The following SNTB2 variants were observed in gnomAD, a reference collection of about 807,000 sequenced individuals.
SNTB2 encodes the protein syntrophin beta 2.
A neutral mutation model predicts 46.2 loss-of-function variants in SNTB2; 34 were observed. That is an observed-to-expected ratio of 0.74 (90% CI 0.56 to 0.98). The LOEUF (loss-of-function observed/expected upper bound fraction) is 0.98, where lower values mean the gene tolerates loss of function less well. Among genes scored for constraint, SNTB2 ranks in the 50% least tolerant of loss-of-function variants. The pLI is 0.00. For synonymous variants in SNTB2, 290 were observed against 312.6 expected, an observed-to-expected ratio of 0.93 and a Z score of 0.76; for missense variants, 603 against 731.4, an observed-to-expected ratio of 0.82 and a Z score of 2.02.
intron 3 of SNTB2, among the ~76,000 whole-genome samples, chr16:69,269,641 G>C (rs1227927451): frequency 6.6e-6 from 1 of 152,100 alleles, no homozygotes; most frequent in Non-Finnish European, 1.5e-5. Context: ...CTCTATTATT[G>C]TAAGTCTTGA....
intron 3 of SNTB2, among the ~76,000 whole-genome samples, chr16:69,266,875 C>T (rs746113657): frequency 5.3e-5 from 8 of 152,044 alleles, no homozygotes; most frequent in Non-Finnish European, 8.8e-5. Context: ...CACCATCATG[C>T]CTGGCTGATT....
At chr16:69,283,462 C>A (rs112656035) in intron 4 of SNTB2, among the ~76,000 whole-genome samples, 8 of 152,296 alleles carry the variant, frequency 5.3e-5, no homozygotes, top group African/African-American at 1.9e-4. Context: ...TCTTTACTAG[C>A]TGCATCTCCC....
chr16:69,232,493 C>T (rs1217723149), intron 1 of SNTB2, among the ~76,000 whole-genome samples: 3 of 129,458 alleles, frequency 2.3e-5, no homozygotes, highest in East Asian at 2.2e-4. Context: ...GTGTGAGCCA[C>T]GGTGCGGCCT....
intron 4 of SNTB2, among the ~76,000 whole-genome samples, chr16:69,274,380 G>A (rs192543470): frequency 3.1e-4 from 47 of 151,734 alleles, no homozygotes; most frequent in African/African-American, 1.0e-3. Context: ...CTGGCCCAGC[G>A]TGGTGGCTCA....
chr16:69,296,780 G>A (rs545443800), intron 5 of SNTB2, among the ~76,000 whole-genome samples: 1 of 151,792 alleles, frequency 6.6e-6, no homozygotes, highest in East Asian at 1.9e-4. Context: ...CCCAAGGTGG[G>A]CAGATCACGT....
At chr16:69,244,765 TATTTTTGCACTTG>T (rs1475801346) in intron 1 of SNTB2, among the ~76,000 whole-genome samples, 1 of 152,230 alleles carries the variant, frequency 6.6e-6, no homozygotes, top group East Asian at 1.9e-4. Context: ...GAATATACTT[TATTTTTGCACTTG>T]ATTTTAAGAA....
At chr16:69,190,882 A>C (rs1043733587) in intron 1 of SNTB2, among the ~76,000 whole-genome samples, 7 of 152,136 alleles carry the variant, frequency 4.6e-5, no homozygotes, top group African/African-American at 1.7e-4. Flanking sequence ...CAAAGTTGTT[A>C]ATTCATTTTG....
intron 1 of SNTB2, among the ~76,000 whole-genome samples, chr16:69,235,223 A>G (rs1964547041): frequency 6.6e-6 from 1 of 150,878 alleles, no homozygotes. Context: ...GGCATGAGCC[A>G]CCGTTCCCGG....
chr16:69,215,463 C>G (rs186835953), intron 1 of SNTB2, among the ~76,000 whole-genome samples: 2 of 152,296 alleles, frequency 1.3e-5, no homozygotes, highest in Admixed American at 6.5e-5. Context: ...TTCTCCTACT[C>G]ATTCCAGGTA....
chr16:69,202,026 C>T (rs1318371185), intron 1 of SNTB2, among the ~76,000 whole-genome samples: 1 of 152,156 alleles, frequency 6.6e-6, no homozygotes, highest in Non-Finnish European at 1.5e-5. Context: ...TTTAGCTCAT[C>T]TGCACCTATA....
At chr16:69,190,993 C>G (rs1895526) in intron 1 of SNTB2, 73,618 of 151,864 alleles carry the variant, frequency 0.48, 21,759 homozygotes, top group African/African-American at 0.85. Context: ...GGTATGCCAC[C>G]AGTTAACAAA....
intron 4 of SNTB2, among the ~76,000 whole-genome samples, chr16:69,272,020 G>A (rs576402999): frequency 1.4e-4 from 21 of 152,122 alleles, no homozygotes; most frequent in African/African-American, 3.1e-4. Context: ...TATAAAACTC[G>A]TAGAATAAAA....
intron 1 of SNTB2, among the ~76,000 whole-genome samples, chr16:69,201,365 G>T (rs1484047374): frequency 6.6e-6 from 1 of 152,176 alleles, no homozygotes; most frequent in Non-Finnish European, 1.5e-5. Context: ...CTTAAATGTA[G>T]ATCTGTATTT....
At chr16:69,233,955 C>G (rs1225438716) in intron 1 of SNTB2, among the ~76,000 whole-genome samples, 1 of 151,832 alleles carries the variant, frequency 6.6e-6, no homozygotes, top group African/African-American at 2.4e-5. Flanking sequence ...CCCGCCTGGA[C>G]AACAGAATGA....
Position 69,187,281 on chromosome 16 carries a change from G to A in SNTB2, c.115G>A (p.Val39Met), listed in dbSNP as rs1963997556. The A allele has an allele frequency of 1.3e-6, 2 of 1,491,582 alleles. No homozygotes were observed. The highest frequency in any genetic ancestry group is 2.5e-5 in the South Asian group (2 of 79,498). The allele number at this position is 1,491,582 out of a possible 1,614,324, so 92.4% of individuals were successfully genotyped here. ...GCTCCTGAGGGAGCGCTGGGTCCGAGTGGTGGCCGAGCTGAGCGGGGAGAG... is the reference window on the plus strand; with the variant it reads ...GCTCCTGAGGGAGCGCTGGGTCCGAATGGTGGCCGAGCTGAGCGGGGAGAG... ...ELLLRERWVR[V>M]VAELSGESLS... is the part of the protein sequence containing the mutation. Residue 39 changes from valine to methionine, a missense_variant, in exon 1 of 7, where the codon GTG (valine) becomes ATG (methionine). Physicochemically the swap from Val to Met is conservative, Grantham distance 21. Coordinates refer to ENST00000336278, the MANE Select transcript of SNTB2 (RefSeq NM_006750.4).
chr16:69,270,227 C>G lies in SNTB2; in HGVS notation c.1090C>G (p.Pro364Ala), dbSNP rs777259995. 1 of 1,614,062 alleles carries G rather than the reference C, an allele frequency of 6.2e-7. No individual in the cohort carries two copies. Among genetic ancestry groups the G allele is most frequent in the Non-Finnish European group, 8.5e-7 (1 of 1,180,028 alleles). The stretch of plus-strand genomic sequence containing the variant: ...GGATTTGCTGCTCTATGACTGTATG[C>G]CGTGGACAAGAGATGCCTGGGCGTC... ...EKDLLLYDCM[P>A]WTRDAWASPC... is the part of the protein sequence containing the mutation. Residue 364 changes from proline (P) to alanine (A), a missense_variant, in exon 4 of 7, where the codon CCG (proline) becomes GCG (alanine). Pro to Ala is a conservative substitution (Grantham distance 27). This residue lies in a region of SNTB2 where 537 missense variants were observed against 692.4 expected (regional missense o/e 0.78). Transcript: ENST00000336278.
At chr16:69,285,248 A>C (rs1379725866) in intron 5 of SNTB2, among the ~76,000 whole-genome samples, 2 of 152,172 alleles carry the variant, frequency 1.3e-5, no homozygotes, top group African/African-American at 4.8e-5. Flanking sequence ...GATAGAAAGA[A>C]ACCTGGTTTC....
At chr16:69,265,122 G>C (rs1192063388) in intron 3 of SNTB2, among the ~76,000 whole-genome samples, 1 of 151,880 alleles carries the variant, frequency 6.6e-6, no homozygotes, top group Non-Finnish European at 1.5e-5. Flanking sequence ...GGTGGCGGGC[G>C]CCTGTACTCC....
chr16:69,296,849 A>T (rs1318188097), intron 5 of SNTB2, among the ~76,000 whole-genome samples: 1 of 151,664 alleles, frequency 6.6e-6, no homozygotes, highest in Non-Finnish European at 1.5e-5. Context: ...CTCTACTAAA[A>T]CTACAAGAAT....
Sources: allele counts gnomAD v4.1 joint callset (sites outside exome capture counted in the v4.1 genomes callset), GRCh38; gene constraint gnomAD v4.1.1; regional missense constraint gnomAD v4.1.1; transcripts MANE v1.5; gene names NCBI Gene and HGNC (gene_info 2026-07-23, HGNC 2026-07-21).